The following RPGRIP1L variants were observed in gnomAD, a reference collection of about 807,000 sequenced individuals.
RPGRIP1L encodes RPGRIP1 like, also known as protein fantom.
In RPGRIP1L, 131 loss-of-function variants were observed where a neutral mutation model predicts 160.4. The ratio of observed to expected loss-of-function variants is 0.82; its 90% CI spans 0.71 to 0.94. The LOEUF (loss-of-function observed/expected upper bound fraction) is 0.94. RPGRIP1L is among the 40% of genes least tolerant of loss of function. The probability of loss-of-function intolerance (pLI) is 0.00; values close to 1 mark genes in which losing one functional copy is unlikely to be tolerated. For synonymous variants in RPGRIP1L, 510 were observed against 515.8 expected (o/e 0.99, Z 0.15); for missense variants, 1,522 against 1,535.8 (o/e 0.99, Z 0.15).
At chr16:53,661,991 A>G (rs959972273) in intron 10 of RPGRIP1L, among the ~76,000 whole-genome samples, 2 of 152,178 alleles carry the variant, frequency 1.3e-5, no homozygotes, top group African/African-American at 4.8e-5. Flanking sequence ...CTGAAATGCT[A>G]TAGTTCAAAG....
chr16:53,629,568 T>G (rs1965385969), intron 22 of RPGRIP1L, among the ~76,000 whole-genome samples: 1 of 152,246 alleles, frequency 6.6e-6, no homozygotes, highest in African/African-American at 2.4e-5. Flanking sequence ...ATATTCATGT[T>G]AAACAGTTCT....
chr16:53,641,064 G>A lies in RPGRIP1L; in HGVS notation c.2927C>T (p.Ser976Phe). The A allele has an allele frequency of 6.2e-7, 1 of 1,613,786 alleles. No homozygotes were observed. Among genetic ancestry groups the A allele is most frequent in the Non-Finnish European group, 8.5e-7 (1 of 1,179,788 alleles). ...CTGATGTGGCATGATATCCACGAAA[G>A]ATACCTTCTTATCTACAGGTGTTAA... ...QRLTPVDKKV[S>F]FVDIMPHQSD... Residue 976 changes from serine (S) to phenylalanine (F), a missense_variant, in exon 19 of 27, where the codon TCT (serine) becomes TTT (phenylalanine). Ser to Phe is a radical substitution (Grantham distance 155). Coordinates refer to ENST00000647211, the MANE Select transcript of RPGRIP1L (RefSeq NM_015272.5).
At chr16:53,625,609 C>A (rs1276122868) in intron 22 of RPGRIP1L, among the ~76,000 whole-genome samples, 1 of 150,052 alleles carries the variant, frequency 6.7e-6, no homozygotes, top group African/African-American at 2.4e-5. Context: ...AGTGAGGAGC[C>A]CCTCTGCCCA....
intron 21 of RPGRIP1L, among the ~76,000 whole-genome samples, chr16:53,637,180 G>GT (rs1184175731): frequency 6.6e-6 from 1 of 152,028 alleles, no homozygotes; most frequent in Non-Finnish European, 1.5e-5. Flanking sequence ...ATGTTTTGAC[G>GT]TAAGTGTAAC....
chr16:53,643,780 C>T (rs1023138282), intron 17 of RPGRIP1L, among the ~76,000 whole-genome samples: 4 of 152,136 alleles, frequency 2.6e-5, no homozygotes, highest in African/African-American at 7.2e-5. Flanking sequence ...TAGGAAATGA[C>T]GTTACAATAT....
At chr16:53,626,531 G>T (rs140799001) in intron 22 of RPGRIP1L, among the ~76,000 whole-genome samples, 1 of 152,088 alleles carries the variant, frequency 6.6e-6, no homozygotes, top group African/African-American at 2.4e-5. Context: ...TGGGCTGGCC[G>T]TGGGGACTCA....
At chr16:53,625,478 G>C (rs891593781) in intron 22 of RPGRIP1L, among the ~76,000 whole-genome samples, 3 of 148,540 alleles carry the variant, frequency 2.0e-5, no homozygotes, top group Non-Finnish European at 3.0e-5. Flanking sequence ...TGGGGGCTGG[G>C]GGGGGCGCGC....
rs141282767 is a variant in RPGRIP1L at position 53,608,908 on chromosome 16, T to C, written c.3701+2059A>G. 5.8e-4 allele frequency among the ~76,000 whole-genome samples: 89 copies of C among 152,302 alleles called. 2 individuals are homozygous for C. The Middle Eastern group carries it at 0.027, about 47-fold the overall frequency. On this transcript the variant is annotated intron_variant, in intron 25 of 26. Coordinates refer to ENST00000647211, the MANE Select transcript of RPGRIP1L (RefSeq NM_015272.5). ...CAGTCAATGGGGCCATCCACTCCCA[T>C]GGTTGTTCGAGGAGTGCATGGCCAG... is the stretch of plus-strand genomic sequence containing the variant.
intron 6 of RPGRIP1L, among the ~76,000 whole-genome samples, chr16:53,676,782 G>A (rs992442716): frequency 6.6e-6 from 1 of 151,968 alleles, no homozygotes; most frequent in Non-Finnish European, 1.5e-5. Context: ...ACAGGCGCGT[G>A]CCACCATGCA....
intron 4 of RPGRIP1L, among the ~76,000 whole-genome samples, chr16:53,691,045 A>T (rs896930756): frequency 6.6e-6 from 1 of 151,880 alleles, no homozygotes; most frequent in Non-Finnish European, 1.5e-5. Flanking sequence ...GATAGTGCTA[A>T]CATTTTGGCT....
chr16:53,673,583 G>A (rs1375008491), intron 7 of RPGRIP1L, among the ~76,000 whole-genome samples: 1 of 151,810 alleles, frequency 6.6e-6, no homozygotes, highest in African/African-American at 2.4e-5. Context: ...ATACTTTAAT[G>A]TCACATAGTT....
chr16:53,611,776 C>A (rs993040126), intron 24 of RPGRIP1L, among the ~76,000 whole-genome samples: 3 of 152,130 alleles, frequency 2.0e-5, no homozygotes, highest in Admixed American at 1.3e-4. Flanking sequence ...TTTCAATGTG[C>A]GAACAGTACA....
At chr16:53,617,093 A>AAAAAAAAAAAAAAAAAAAAAAC in intron 24 of RPGRIP1L, among the ~76,000 whole-genome samples, 1 of 148,094 alleles carries the variant, frequency 6.8e-6, no homozygotes, top group Non-Finnish European at 1.5e-5. Context: ...AAAAAAAAAA[A>AAAAAAAAAAAAAAAAAAAAAAC]AAAAAAGCAC....
chr16:53,665,189 C>T (rs1968140222), intron 9 of RPGRIP1L, among the ~76,000 whole-genome samples, 180 bp from the exon 10 acceptor site: 1 of 152,190 alleles, frequency 6.6e-6, no homozygotes, highest in Admixed American at 6.5e-5. Flanking sequence ...GGTTAGGGAA[C>T]ATGAAAGAGT....
intron 25 of RPGRIP1L, among the ~76,000 whole-genome samples, chr16:53,605,959 A>C (rs1217837885): frequency 2.0e-5 from 3 of 152,226 alleles, no homozygotes; most frequent in African/African-American, 7.2e-5. Flanking sequence ...TAAAAGGATG[A>C]AGTGAATAAA....
chr16:53,675,190 T>C (rs1479678049), intron 6 of RPGRIP1L, 68 bp from the exon 7 acceptor site: 1 of 984,622 alleles, frequency 1.0e-6, no homozygotes, highest in African/African-American at 1.6e-5. Context: ...AAATCTATGG[T>C]GGAATCACAA....
intron 6 of RPGRIP1L, among the ~76,000 whole-genome samples, chr16:53,680,778 A>G (rs1969546486): frequency 6.6e-6 from 1 of 151,916 alleles, no homozygotes; most frequent in African/African-American, 2.4e-5. Flanking sequence ...TAATGGGAGT[A>G]AGGAAGGGAG....
chr16:53,653,115 GT>G (rs1260286929), intron 14 of RPGRIP1L, 128 bp from the exon 15 acceptor site: 11 of 888,928 alleles, frequency 1.2e-5, no homozygotes, highest in Non-Finnish European at 1.9e-5. Context: ...TGACTACACT[GT>G]TTTTCTGTAA....
chr16:53,658,699 A>G, intron 11 of RPGRIP1L, 73 bp downstream of exon 11: 1 of 1,024,018 alleles, frequency 9.8e-7, no homozygotes, highest in Non-Finnish European at 1.5e-6. Context: ...TTTGTAGTAT[A>G]GTGCTTTCTC....
Sources: gnomAD v4.1 joint callset for allele counts (sites outside exome capture counted in the v4.1 genomes callset) on GRCh38, gnomAD v4.1.1 for gene constraint, MANE v1.5 for transcripts, NCBI Gene and HGNC (gene_info 2026-07-23, HGNC 2026-07-21) for gene names.